The following COL5A1 variants were observed in gnomAD, a reference collection of about 807,000 sequenced individuals.
The protein encoded by COL5A1 is collagen type V alpha 1 chain.
A neutral mutation model predicts 263.7 loss-of-function variants in COL5A1; 16 were observed. That is an observed-to-expected ratio of 0.06 (90% CI 0.04 to 0.09). The LOEUF is 0.09. Ranked by LOEUF, COL5A1 falls within the 10% of genes least tolerant of loss-of-function variation. COL5A1 has a pLI of 1.00. For missense variants in COL5A1, 2,036 were observed against 2,540.5 expected, an observed-to-expected ratio of 0.80 and a Z score of 4.27; for synonymous variants, 1,012 against 1,004.5, an observed-to-expected ratio of 1.01 and a Z score of -0.14.
intron 25 of COL5A1, among the ~76,000 whole-genome samples, chr9:134,770,396 G>A (rs577864419): frequency 6.6e-6 from 1 of 152,314 alleles, no homozygotes; most frequent in South Asian, 2.1e-4. Flanking sequence ...TTATGGCTCA[G>A]TGGAATATAT....
In COL5A1 at chr9:134,789,069, G is replaced by C; in HGVS notation, c.2647-86G>C. 2.6e-6 allele frequency: 3 copies of C among 1,172,618 alleles called. No homozygotes were observed. Among genetic ancestry groups the C allele is most frequent in the Non-Finnish European group, 3.8e-6 (3 of 789,988 alleles). 72.6% of individuals were successfully genotyped at this position (1,172,618 alleles called of 1,614,324 possible). ...AGTCTGGGGCAGAGGCTGTGCACTG[G>C]CATGCAGGTGGTCCCCCAGGCGGCC... On this transcript the variant is annotated intron_variant, in intron 31 of 65. Coordinates refer to ENST00000371817, the MANE Select transcript of COL5A1 (RefSeq NM_000093.5). The surrounding 1 kb of genome is among the most constrained non-coding windows in gnomAD (Gnocchi z 4.8).
In COL5A1 at chr9:134,794,603, G is replaced by T. The variant is rs1487680097; in HGVS notation, c.2701-479G>T. ...TATTAAATTCCAAGTTTGCGCGTCT[G>T]CAGAGCCTGTTGAAAATTTAATGGC... is the stretch of plus-strand genomic sequence containing the variant. On this transcript the variant is annotated intron_variant, in intron 32 of 65. Transcript: ENST00000371817. This position sits in a 1 kb window ranked among gnomAD's most constrained non-coding sequence, Gnocchi z 4.3. Among the ~76,000 whole-genome samples the T allele has an allele frequency of 2.6e-5, 4 of 152,356 alleles. No individual in the cohort carries two copies. The highest frequency in any genetic ancestry group is 2.6e-4 in the Admixed American group (4 of 15,302).
At chr9:134,753,788 C>T in intron 14 of COL5A1, 62 bp from the exon 15 acceptor site, 1 of 1,131,850 alleles carries the variant, frequency 8.8e-7, no homozygotes. Flanking sequence ...CCACCCCCAG[C>T]CCTTCCTGTG....
rs1831516659 is a variant in COL5A1 at position 134,647,595 on chromosome 9, C to G, written c.109+5299C>G. 6.6e-6 allele frequency among the ~76,000 whole-genome samples: 1 copy of G among 152,186 alleles called. No individual in the cohort carries two copies. The highest frequency in any genetic ancestry group is 2.4e-5 in the African/African-American group (1 of 41,454). On this transcript the variant is annotated intron_variant, in intron 1 of 65. Transcript: ENST00000371817. This position sits in a 1 kb window ranked among gnomAD's most constrained non-coding sequence, Gnocchi z 5.0. ...AGGAGCTCGTGGCAGGGCGACGTTT[C>G]TCTCCTTACCGTGACCCGGCCCCAG...
Position 134,754,089 on chromosome 9 carries a change from G to A in COL5A1, c.1774-184G>A, listed in dbSNP as rs554778586. 5.3e-5 allele frequency among the ~76,000 whole-genome samples: 8 copies of A among 152,352 alleles called. No individual in the cohort carries two copies. The highest frequency in any genetic ancestry group is 1.9e-4 in the African/African-American group (8 of 41,574). On this transcript the variant is annotated intron_variant, in intron 15 of 65. Transcript: ENST00000371817. This position sits in a 1 kb window ranked among gnomAD's most constrained non-coding sequence, Gnocchi z 4.3. ...TGACACCTGCGGCAGAAATGAGCTG[G>A]CTGTATTCTGTCCCTGGCCTTCATT...
At chr9:134,781,594 G>T (rs1379440794) in intron 28 of COL5A1, among the ~76,000 whole-genome samples, 1 of 152,260 alleles carries the variant, frequency 6.6e-6, no homozygotes, top group Non-Finnish European at 1.5e-5. Context: ...AGATGATACT[G>T]ATTGGGCTGT....
chr9:134,771,554 C>T (rs946031185), intron 25 of COL5A1, among the ~76,000 whole-genome samples: 12 of 152,248 alleles, frequency 7.9e-5, no homozygotes, highest in Admixed American at 2.6e-4. Flanking sequence ...TCTGCAAAGG[C>T]ATCAAACCCA....
intron 31 of COL5A1, among the ~76,000 whole-genome samples, chr9:134,787,767 CAA>C (rs1232338375): frequency 6.6e-5 from 10 of 152,248 alleles, no homozygotes; most frequent in Admixed American, 3.3e-4. Context: ...ACAGAAAATA[CAA>C]TGTCACAGTG....
intron 28 of COL5A1, 117 bp downstream of exon 28, chr9:134,780,263 G>A (rs1837203309): frequency 1.0e-6 from 1 of 970,920 alleles, no homozygotes; most frequent in African/African-American, 1.6e-5. Context: ...TGTCGCCTCT[G>A]AGTACTGAGG....
At chr9:134,712,398 C>A (rs1834093020) in intron 4 of COL5A1, among the ~76,000 whole-genome samples, 1 of 118,258 alleles carries the variant, frequency 8.5e-6, no homozygotes, top group African/African-American at 3.4e-5. Context: ...CTCGTTATCC[C>A]TGTCCCTGTT....
Position 134,727,305 on chromosome 9 carries a change from G to T in COL5A1, c.694G>T (p.Ala232Ser), listed in dbSNP as rs751948105. The T allele has an allele frequency of 6.2e-7, 1 of 1,614,054 alleles. No homozygotes were observed. Among genetic ancestry groups the T allele is most frequent in the African/African-American group, 1.3e-5 (1 of 75,010 alleles). ...GCTGCTCTTTGTCTCGGACCACCGG[G>T]CAGCTTATGATTACTGTGAGCACTA... ...QQLLFVSDHRAAYDYCEHYSP... is the reference protein window; with the variant it reads ...QQLLFVSDHRSAYDYCEHYSP... Residue 232 changes from alanine to serine, a missense_variant, in exon 5 of 66, where the codon GCA (alanine) becomes TCA (serine). Coordinates refer to ENST00000371817, the MANE Select transcript of COL5A1 (RefSeq NM_000093.5).
Position 134,741,223 on chromosome 9 carries a change from C to T in COL5A1, c.1494+2415C>T, listed in dbSNP as rs1835291760. ...CTGTGCGGCGGAGAAACAACATTGT[C>T]TCTGCCCTCGGAGGTTGAGCATCTG... On this transcript the variant is annotated intron_variant, in intron 11 of 65. Transcript: ENST00000371817. The surrounding 1 kb of genome is among the most constrained non-coding windows in gnomAD (Gnocchi z 4.5). Among the ~76,000 whole-genome samples, 1 of 152,260 alleles carries T rather than the reference C, an allele frequency of 6.6e-6. No homozygotes were observed. Among genetic ancestry groups the T allele is most frequent in the South Asian group, 2.1e-4 (1 of 4,836 alleles).
At chr9:134,670,616 G>A (rs1249717417) in intron 1 of COL5A1, among the ~76,000 whole-genome samples, 2 of 152,186 alleles carry the variant, frequency 1.3e-5, no homozygotes. Flanking sequence ...TCTGGAGGAT[G>A]GAGCAGCACT....
intron 41 of COL5A1, 51 bp from the exon 42 acceptor site, chr9:134,806,138 C>A: frequency 7.4e-7 from 1 of 1,358,532 alleles, no homozygotes. Context: ...AAAGTCACGA[C>A]CACGCAGTCT....
intron 25 of COL5A1, among the ~76,000 whole-genome samples, 185 bp from the exon 26 acceptor site, chr9:134,772,605 G>A (rs1045497128): frequency 3.9e-5 from 6 of 152,306 alleles, no homozygotes; most frequent in South Asian, 2.1e-4. Flanking sequence ...AGGGCCTGGC[G>A]GCTCGGGGAG....
chr9:134,731,092 C>T (rs1243077846), intron 7 of COL5A1, among the ~76,000 whole-genome samples: 3 of 152,216 alleles, frequency 2.0e-5, no homozygotes, highest in East Asian at 3.8e-4. Context: ...AGCACATGGC[C>T]GATGCTTAAC....
chr9:134,761,321 A>C (rs1836431887), intron 18 of COL5A1, among the ~76,000 whole-genome samples: 1 of 151,898 alleles, frequency 6.6e-6, no homozygotes, highest in African/African-American at 2.4e-5. Context: ...ACATCCACCC[A>C]CACCCCACTG....
chr9:134,651,261 A>G (rs1831677546), intron 1 of COL5A1, among the ~76,000 whole-genome samples: 1 of 152,220 alleles, frequency 6.6e-6, no homozygotes, highest in African/African-American at 2.4e-5. Context: ...TGACATAAAA[A>G]CAGTGTGGCG....
intron 24 of COL5A1, among the ~76,000 whole-genome samples, chr9:134,767,940 G>C (rs1267862253): frequency 2.0e-5 from 3 of 152,254 alleles, no homozygotes; most frequent in Non-Finnish European, 4.4e-5. Flanking sequence ...GGGCTGGGCT[G>C]CTGCCAGGCC....
Sources: allele counts gnomAD v4.1 joint callset (sites outside exome capture counted in the v4.1 genomes callset), GRCh38; gene constraint gnomAD v4.1.1; non-coding constraint Gnocchi (gnomAD v3.1); transcripts MANE v1.5; gene names NCBI Gene and HGNC (gene_info 2026-07-23, HGNC 2026-07-21).